The following CEP162 variants were observed in gnomAD, a reference collection of about 807,000 sequenced individuals.
The protein encoded by CEP162 is centrosomal protein 162.
Under a neutral mutation model 169.2 loss-of-function variants are expected in CEP162, and 141 were observed. The observed-to-expected ratio is 0.83, with a 90% CI of 0.73 to 0.96. The LOEUF (loss-of-function observed/expected upper bound fraction) is 0.96, where lower values mean the gene tolerates loss of function less well. CEP162 is among the 40% of genes least tolerant of loss of function. CEP162 has a pLI of 0.00. For synonymous variants in CEP162, 540 were observed against 526.4 expected, an observed-to-expected ratio of 1.03 and a Z score of -0.35; for missense variants, 1,600 against 1,587.2, an observed-to-expected ratio of 1.01 and a Z score of -0.14.
At chr6:84,216,283 T>C (rs2099551514) in intron 3 of CEP162, among the ~76,000 whole-genome samples, 1 of 152,162 alleles carries the variant, frequency 6.6e-6, no homozygotes, top group Non-Finnish European at 1.5e-5. Context: ...GGTGCTGAAC[T>C]CTTAACACTA....
chr6:84,168,713 C>T (rs1412185234), intron 18 of CEP162, among the ~76,000 whole-genome samples: 2 of 152,150 alleles, frequency 1.3e-5, no homozygotes, highest in Non-Finnish European at 2.9e-5. Flanking sequence ...AACTACCCTG[C>T]CTTAAATTCC....
At chr6:84,173,026 A>G (rs777209811) in intron 16 of CEP162, among the ~76,000 whole-genome samples, 4 of 152,186 alleles carry the variant, frequency 2.6e-5, no homozygotes, top group Non-Finnish European at 5.9e-5. Flanking sequence ...TTCTTGCATT[A>G]AATTCAAAAT....
At chr6:84,156,958 C>T (rs1291105426) in intron 21 of CEP162, among the ~76,000 whole-genome samples, 1 of 151,874 alleles carries the variant, frequency 6.6e-6, no homozygotes, top group African/African-American at 2.4e-5. Flanking sequence ...CTGGAGACTA[C>T]AAAAGGTGGC....
chr6:84,133,669 G>C (rs760310937), intron 25 of CEP162, among the ~76,000 whole-genome samples: 1 of 152,228 alleles, frequency 6.6e-6, no homozygotes, highest in East Asian at 1.9e-4. Context: ...TGAGCCATGC[G>C]CGGGATATAA....
intron 17 of CEP162, among the ~76,000 whole-genome samples, chr6:84,171,382 T>C (rs113121400): frequency 3.3e-5 from 5 of 152,192 alleles, no homozygotes; most frequent in Non-Finnish European, 5.9e-5. Context: ...CATAAATTCA[T>C]ATGAATTCAA....
At chr6:84,159,023 GC>G (rs1056259829) in intron 21 of CEP162, among the ~76,000 whole-genome samples, 73 of 150,748 alleles carry the variant, frequency 4.8e-4, no homozygotes, top group African/African-American at 1.7e-3. Flanking sequence ...CATCTAATTA[GC>G]CCCATTTTTA....
rs887729062 is a variant in CEP162 at position 84,182,541 on chromosome 6, A to G, written c.1663+2646T>C. ...CCTGAGCAGCAACGTACATAAACGTACTCAACCCCCTGAACTCCATTCAAC... is the reference window on the plus strand; with the variant it reads ...CCTGAGCAGCAACGTACATAAACGTGCTCAACCCCCTGAACTCCATTCAAC... On this transcript the variant is annotated intron_variant, in intron 13 of 26. Coordinates refer to ENST00000403245, the MANE Select transcript of CEP162 (RefSeq NM_014895.4). Among the ~76,000 whole-genome samples, 7 of 152,258 alleles carry G rather than the reference A, an allele frequency of 4.6e-5. 1 individual carries two copies.
intron 5 of CEP162, among the ~76,000 whole-genome samples, chr6:84,214,418 G>A (rs1588887753): frequency 6.6e-6 from 1 of 152,160 alleles, no homozygotes; most frequent in South Asian, 2.1e-4. Context: ...GAACAAATGC[G>A]ACACTCAGGT....
At chr6:84,214,119 A>G (rs1198954779) in intron 5 of CEP162, among the ~76,000 whole-genome samples, 1 of 152,168 alleles carries the variant, frequency 6.6e-6, no homozygotes, top group African/African-American at 2.4e-5. Context: ...TCTACTAAAA[A>G]ATACAAAAAA....
Position 84,155,324 on chromosome 6 carries a change from T to C in CEP162, c.2968A>G (p.Met990Val), listed in dbSNP as rs2099522735. Residue 990 changes from methionine to valine, a missense_variant, in exon 22 of 27, where the codon ATG becomes GTG. Met to Val is a conservative substitution (Grantham distance 21). Coordinates refer to ENST00000403245, the MANE Select transcript of CEP162 (RefSeq NM_014895.4). ...TTCATTTTCTGAAACTGTTGTTCCA[T>C]GGTACGAAGGCTTTTCTTTGCATCT... ...DEDAKKSLRTMEQQFQKMKIQ... is the reference protein window; with the variant it reads ...DEDAKKSLRTVEQQFQKMKIQ... 4 of 1,613,406 alleles carry C rather than the reference T, an allele frequency of 2.5e-6. No homozygotes were observed. The highest frequency in any genetic ancestry group is 1.1e-5 in the South Asian group (1 of 91,064).
chr6:84,157,880 A>G (rs1005280459), intron 21 of CEP162, among the ~76,000 whole-genome samples: 1 of 151,996 alleles, frequency 6.6e-6, no homozygotes, highest in Non-Finnish European at 1.5e-5. Flanking sequence ...GCTCTACTCC[A>G]CTCCAATCCT....
chr6:84,207,786 T>C lies in CEP162; in HGVS notation c.572-3690A>G, dbSNP rs113557627. On this transcript the variant is annotated intron_variant, in intron 6 of 26. Coordinates refer to ENST00000403245, the MANE Select transcript of CEP162 (RefSeq NM_014895.4). ...TTTATAAGACTATCTTTGGTTTCTG[T>C]CATTATGGTACTTTCAAATAGTTCT... Among the ~76,000 whole-genome samples the C allele has an allele frequency of 6.5e-3, 983 of 152,304 alleles. 7 individuals carry two copies. Among genetic ancestry groups the C allele is most frequent in the African/African-American group, 0.022 (934 of 41,550 alleles).
intron 9 of CEP162, among the ~76,000 whole-genome samples, chr6:84,199,049 T>C (rs2099543332): frequency 6.6e-6 from 1 of 152,232 alleles, no homozygotes; most frequent in South Asian, 2.1e-4. Flanking sequence ...TCTCTGGTCA[T>C]CCTGAACACA....
At chr6:84,134,018 C>T (rs552068409) in intron 25 of CEP162, among the ~76,000 whole-genome samples, 2 of 152,276 alleles carry the variant, frequency 1.3e-5, no homozygotes, top group South Asian at 4.1e-4. Context: ...TTCTATAAGA[C>T]CCTGACTGGG....
intron 1 of CEP162, among the ~76,000 whole-genome samples, chr6:84,226,836 C>T (rs1163746018): frequency 6.6e-6 from 1 of 152,202 alleles, no homozygotes; most frequent in Non-Finnish European, 1.5e-5. Flanking sequence ...TCTTGCAAAG[C>T]ACACGACAGT....
chr6:84,134,381 G>A lies in CEP162; in HGVS notation c.3871-7869C>T, dbSNP rs771577690. On this transcript the variant is annotated intron_variant, in intron 25 of 26. Coordinates refer to ENST00000403245, the MANE Select transcript of CEP162 (RefSeq NM_014895.4). The stretch of plus-strand genomic sequence containing the variant: ...GGGGTGTCTTGCTGGCATTCCAGGC[G>A]CCACTGTGGTATGAAAAAAAACTCC... 7.2e-5 allele frequency among the ~76,000 whole-genome samples: 11 copies of A among 152,212 alleles called. 1 individual carries two copies. The highest frequency in any genetic ancestry group is 2.1e-4 in the South Asian group (1 of 4,820).
At chr6:84,149,494 A>C (rs2099520324) in intron 24 of CEP162, 68 bp downstream of exon 24, 2 of 1,209,682 alleles carry the variant, frequency 1.7e-6, no homozygotes, top group Non-Finnish European at 2.2e-6. Flanking sequence ...AAACAATGTT[A>C]ACTTTAATCT....
chr6:84,165,180 T>C (rs1020815731), intron 18 of CEP162, among the ~76,000 whole-genome samples: 1 of 151,782 alleles, frequency 6.6e-6, no homozygotes, highest in East Asian at 1.9e-4. Flanking sequence ...GACCACCTTA[T>C]CTAAAATAGC....
chr6:84,173,096 A>G lies in CEP162; in HGVS notation c.2166+952T>C, dbSNP rs533203668. Among the ~76,000 whole-genome samples, 693 of 152,344 alleles carry G rather than the reference A, an allele frequency of 4.5e-3. 8 individuals carry two copies. The highest frequency in any genetic ancestry group is 0.016 in the African/African-American group (661 of 41,590). On this transcript the variant is annotated intron_variant, in intron 16 of 26. Transcript: ENST00000403245. ...GATTCATATTTCTGAATATAATAGC[A>G]AAACCAGCCAATACTGTCTACTGAA...
Sources: gnomAD v4.1 joint callset for allele counts (sites outside exome capture counted in the v4.1 genomes callset) on GRCh38, gnomAD v4.1.1 for gene constraint, MANE v1.5 for transcripts, NCBI Gene and HGNC (gene_info 2026-07-23, HGNC 2026-07-21) for gene names.